The following TCERG1 variants were observed in gnomAD, a reference collection of about 807,000 sequenced individuals.
TCERG1 encodes the protein transcription elongation regulator 1.
In TCERG1, 37 loss-of-function variants were observed where a neutral mutation model predicts 144.7. That is an observed-to-expected ratio of 0.26 (90% CI 0.20 to 0.34). TCERG1 has a LOEUF of 0.34. Ranked by LOEUF, TCERG1 falls within the 10% of genes least tolerant of loss-of-function variation. The probability of loss-of-function intolerance (pLI) is 1.00; values close to 1 mark genes in which losing one functional copy is unlikely to be tolerated. For synonymous variants in TCERG1, 492 were observed against 458.2 expected, an observed-to-expected ratio of 1.07 and a Z score of -0.94; for missense variants, 1,027 against 1,380.7, an observed-to-expected ratio of 0.74 and a Z score of 4.06.
intron 17 of TCERG1, among the ~76,000 whole-genome samples, chr5:146,501,305 T>C (rs761148328): frequency 6.6e-6 from 1 of 151,758 alleles, no homozygotes. Flanking sequence ...AATGACATTT[T>C]TTTGACATTT....
chr5:146,505,409 C>G (rs886390352), intron 19 of TCERG1: 28 of 152,328 alleles, frequency 1.8e-4, no homozygotes, highest in African/African-American at 6.5e-4. Context: ...TCACATTTAG[C>G]CTCCTTAGCA....
chr5:146,494,447 T>C (rs538636098), intron 16 of TCERG1, among the ~76,000 whole-genome samples: 1 of 152,278 alleles, frequency 6.6e-6, no homozygotes, highest in South Asian at 2.1e-4. Flanking sequence ...GACTAAGTCT[T>C]ACCATATCGT....
chr5:146,468,490 C>A, intron 6 of TCERG1, 87 bp downstream of exon 6: 2 of 1,285,224 alleles, frequency 1.6e-6, no homozygotes, highest in Non-Finnish European at 2.2e-6. Flanking sequence ...TTATTTTTTG[C>A]CCAAGTGAGT....
intron 17 of TCERG1, among the ~76,000 whole-genome samples, chr5:146,501,192 A>G (rs776033945): frequency 2.6e-5 from 4 of 152,144 alleles, no homozygotes; most frequent in African/African-American, 4.8e-5. Flanking sequence ...CAAAATTGAC[A>G]TATTTTTCTC....
At chr5:146,483,111 A>G (rs1390310073) in intron 14 of TCERG1, among the ~76,000 whole-genome samples, 3 of 152,106 alleles carry the variant, frequency 2.0e-5, no homozygotes, top group Non-Finnish European at 2.9e-5. Context: ...TGATATTATT[A>G]TTTGCAATTT....
chr5:146,504,043 C>T (rs1483327183), intron 19 of TCERG1, 37 bp downstream of exon 19: 11 of 1,426,982 alleles, frequency 7.7e-6, no homozygotes, highest in East Asian at 2.4e-5. Context: ...CTCTAAAGTA[C>T]TGGATATTGG....
intron 22 of TCERG1, 25 bp downstream of exon 22, chr5:146,509,270 T>C (rs1768261532): frequency 1.4e-6 from 2 of 1,466,730 alleles, no homozygotes; most frequent in East Asian, 2.3e-5. Flanking sequence ...ATGTTTCATA[T>C]TGGCAGTCAT....
chr5:146,469,322 T>C (rs1764082640), intron 6 of TCERG1, among the ~76,000 whole-genome samples: 1 of 152,206 alleles, frequency 6.6e-6, no homozygotes, highest in Non-Finnish European at 1.5e-5. Context: ...TTTTTAAGGG[T>C]TGAATTTCTG....
At chr5:146,467,353 T>C (rs1018134938) in intron 5 of TCERG1, among the ~76,000 whole-genome samples, 1 of 152,108 alleles carries the variant, frequency 6.6e-6, no homozygotes, top group Non-Finnish European at 1.5e-5. Flanking sequence ...AGCTTAGTTT[T>C]TTCAGCTGAA....
intron 1 of TCERG1, among the ~76,000 whole-genome samples, chr5:146,451,419 T>TC (rs1306687376): frequency 2.6e-5 from 4 of 151,586 alleles, no homozygotes; most frequent in Non-Finnish European, 4.4e-5. Flanking sequence ...ACCTGTCAGG[T>TC]TCCTCCTGTT....
intron 14 of TCERG1, 56 bp downstream of exon 14, chr5:146,482,783 TG>T (rs1765476750): frequency 6.6e-6 from 10 of 1,506,062 alleles, no homozygotes; most frequent in Non-Finnish European, 8.9e-6. Context: ...AATATAAATA[TG>T]TCTTGCTAAA....
Position 146,471,896 on chromosome 5 carries a change from C to T in TCERG1, c.1601+320C>T, listed in dbSNP as rs561409898. ...ACAGGTGTGAGCCACCGTGCCCGGC[C>T]TCAAGTAGTAATTTTTAAAAATCAT... is the stretch of plus-strand genomic sequence containing the variant. On this transcript the variant is annotated intron_variant, in intron 9 of 22. Transcript: ENST00000679501. Among the ~76,000 whole-genome samples the T allele has an allele frequency of 5.5e-4, 83 of 152,258 alleles. 1 individual carries two copies. The highest frequency in any genetic ancestry group is 1.9e-3 in the African/African-American group (81 of 41,540).
intron 1 of TCERG1, among the ~76,000 whole-genome samples, chr5:146,452,464 A>G (rs1253488486): frequency 6.6e-6 from 1 of 152,198 alleles, no homozygotes. Flanking sequence ...GGTTCATGCA[A>G]CAAATACTAA....
chr5:146,453,934 A>G lies in TCERG1; in HGVS notation c.60-1122A>G, dbSNP rs758629301. 1.1e-3 allele frequency among the ~76,000 whole-genome samples: 165 copies of G among 151,806 alleles called. 1 individual carries two copies. Among genetic ancestry groups the G allele is most frequent in the Non-Finnish European group, 2.1e-3 (141 of 68,000 alleles). On this transcript the variant is annotated intron_variant, in intron 1 of 22. Transcript: ENST00000679501. Reference sequence around the variant, plus strand: ...TCCTTCCGGCCAGGCGCTGTGGCTCATGCCTATAATCCTAGCACTTTGGGA... The same window carrying G: ...TCCTTCCGGCCAGGCGCTGTGGCTCGTGCCTATAATCCTAGCACTTTGGGA...
At chr5:146,467,909 A>G (rs1763931039) in intron 5 of TCERG1, among the ~76,000 whole-genome samples, 1 of 152,140 alleles carries the variant, frequency 6.6e-6, no homozygotes, top group Non-Finnish European at 1.5e-5. Context: ...CAGCTCCTGC[A>G]TGTAGTTTCA....
intron 15 of TCERG1, among the ~76,000 whole-genome samples, chr5:146,484,382 C>T (rs1419525493): frequency 1.3e-5 from 2 of 152,180 alleles, no homozygotes; most frequent in South Asian, 4.1e-4. Context: ...TGACACTGAT[C>T]TCCATAAAAT....
Position 146,479,225 on chromosome 5 carries a change from G to A in TCERG1, c.1762+572G>A, listed in dbSNP as rs141631623. Among the ~76,000 whole-genome samples, 632 of 152,114 alleles carry A rather than the reference G, an allele frequency of 4.2e-3. 2 individuals carry two copies. Among genetic ancestry groups the A allele is most frequent in the African/African-American group, 0.014 (599 of 41,510 alleles). ...CTTATTGGTAATTTGCCCTTGTGTTGATATGATTGTGTTTTTATAGAACTG... is the reference window on the plus strand; with the variant it reads ...CTTATTGGTAATTTGCCCTTGTGTTAATATGATTGTGTTTTTATAGAACTG... On this transcript the variant is annotated intron_variant, in intron 10 of 22. Transcript: ENST00000679501.
In TCERG1 at chr5:146,503,398, A is replaced by G. The variant is rs754236741; in HGVS notation, c.2457A>G (p.Leu819=). ...AGATTAAATCGGATTTCTTTGAACT[A>G]TTATCTAATCATCACTTGGACAGTC... The part of the protein sequence containing the change: ...GEKIKSDFFE[L]LSNHHLDSQS... The change falls in exon 18 of 23, where the codon CTA becomes CTG. Residue 819 remains leucine (L), a synonymous_variant. Coordinates refer to ENST00000679501, the MANE Select transcript of TCERG1 (RefSeq NM_001382548.1). The G allele has an allele frequency of 5.6e-6, 9 of 1,613,502 alleles. No individual in the cohort carries two copies. Among genetic ancestry groups the G allele is most frequent in the African/African-American group, 1.3e-5 (1 of 74,906 alleles).
chr5:146,503,518 G>A lies in TCERG1; in HGVS notation c.2577G>A (p.Gln859=). The A allele has an allele frequency of 6.2e-7, 1 of 1,612,986 alleles. No individual in the cohort carries two copies. Among genetic ancestry groups the A allele is most frequent in the African/African-American group, 1.3e-5 (1 of 74,940 alleles). The stretch of plus-strand genomic sequence containing the variant: ...CAATGAGAGAAGACCTTTTCAAACA[G>A]TACATTGAAAAAATAGCCAAGGTAA... The part of the protein sequence containing the change: ...SSSMREDLFK[Q]YIEKIAKNLD... The change falls in exon 18 of 23, where the codon CAG becomes CAA. Residue 859 remains glutamine, a synonymous_variant. Transcript: ENST00000679501.
Sources: gnomAD v4.1 joint callset for allele counts (sites outside exome capture counted in the v4.1 genomes callset) on GRCh38, gnomAD v4.1.1 for gene constraint, MANE v1.5 for transcripts, NCBI Gene and HGNC (gene_info 2026-07-23, HGNC 2026-07-21) for gene names.